Variants in KHDRBS3 observed in about 807,000 individuals in gnomAD.
KHDRBS3 encodes the protein KH RNA binding domain containing, signal transduction associated 3, also known as KH domain-containing, RNA-binding, signal transduction-associated protein 3.
In KHDRBS3, 23 loss-of-function variants were observed where a neutral mutation model predicts 45.6. The ratio of observed to expected loss-of-function variants is 0.50; its 90% confidence interval spans 0.36 to 0.72. The LOEUF is 0.72. Ranked by LOEUF, KHDRBS3 falls within the 30% of genes least tolerant of loss-of-function variation. The probability of loss-of-function intolerance (pLI) is 0.00; values close to 1 mark genes in which losing one functional copy is unlikely to be tolerated. For missense variants in KHDRBS3, 352 were observed against 424.8 expected (o/e 0.83, Z 1.51); for synonymous variants, 162 against 156.5 (o/e 1.04, Z -0.26).
intron 7 of KHDRBS3, among the ~76,000 whole-genome samples, chr8:135,630,014 G>A (rs959830447): frequency 6.6e-6 from 1 of 152,228 alleles, no homozygotes; most frequent in Non-Finnish European, 1.5e-5. Flanking sequence ...TTTATGGTGG[G>A]AGTGAAGAGA....
At chr8:135,635,460 C>T (rs909503140) in intron 7 of KHDRBS3, among the ~76,000 whole-genome samples, 79 of 152,128 alleles carry the variant, frequency 5.2e-4, no homozygotes, top group African/African-American at 1.8e-3. Context: ...CTTGGCTCAC[C>T]GCAAACTCTG....
chr8:135,550,872 A>G (rs1826555219), intron 4 of KHDRBS3, among the ~76,000 whole-genome samples: 1 of 152,162 alleles, frequency 6.6e-6, no homozygotes, highest in Admixed American at 6.5e-5. Flanking sequence ...ATGTTTCTTC[A>G]CTTTTAAAAA....
intron 7 of KHDRBS3, among the ~76,000 whole-genome samples, chr8:135,632,391 G>A (rs1449771244): frequency 1.3e-5 from 2 of 151,640 alleles, no homozygotes; most frequent in Non-Finnish European, 2.9e-5. Context: ...GAGTCAAGGG[G>A]GCTCACTCCT....
In KHDRBS3 at chr8:135,646,239, TTGATGTCCAAGACTTA is replaced by T. The variant is rs1284008091; in HGVS notation, c.950-752_950-737del. 1.2e-4 allele frequency among the ~76,000 whole-genome samples: 18 copies of T among 152,232 alleles called. No individual in the cohort carries two copies. The East Asian group carries it at 3.5e-3, about 29-fold the overall frequency. On this transcript the variant is annotated intron_variant, in intron 8 of 8. Coordinates refer to ENST00000355849, the MANE Select transcript of KHDRBS3 (RefSeq NM_006558.3). Reference sequence around the variant, plus strand: ...ATGTTGCAGCAGGGATGTTAACTGTTTGATGTCCAAGACTTATAGATAACTCATTAAAAGTTATCTT... The same window carrying T: ...ATGTTGCAGCAGGGATGTTAACTGTTTAGATAACTCATTAAAAGTTATCTT...
rs1280501936 is a variant in KHDRBS3, at chr8:135,485,065, C to A, written c.88+27111C>A. On this transcript the variant is annotated intron_variant, in intron 1 of 8. Transcript: ENST00000355849. ...TGATAAATGCTGTGTACAGAAAAAACCCTCTCTCTCCATCTCAATTATCCT... is the reference window on the plus strand; with the variant it reads ...TGATAAATGCTGTGTACAGAAAAAAACCTCTCTCTCCATCTCAATTATCCT... Among the ~76,000 whole-genome samples the A allele has an allele frequency of 4.6e-5, 7 of 152,130 alleles. No homozygotes were observed. The South Asian group carries it at 1.5e-3, about 32-fold the overall frequency.
intron 5 of KHDRBS3, among the ~76,000 whole-genome samples, chr8:135,560,160 A>G (rs1210487249): frequency 1.3e-5 from 2 of 152,142 alleles, no homozygotes; most frequent in African/African-American, 4.8e-5. Flanking sequence ...GTATCTCTGT[A>G]TATATATACA....
chr8:135,488,419 T>G (rs1000138542), intron 1 of KHDRBS3, among the ~76,000 whole-genome samples: 3 of 152,180 alleles, frequency 2.0e-5, no homozygotes, highest in African/African-American at 7.2e-5. Flanking sequence ...TTATTGTGAA[T>G]AGATACTGCA....
chr8:135,476,347 T>G (rs1251212994), intron 1 of KHDRBS3, among the ~76,000 whole-genome samples: 1 of 152,130 alleles, frequency 6.6e-6, no homozygotes, highest in Non-Finnish European at 1.5e-5. Flanking sequence ...TTTCACCATA[T>G]TGGTCAAGCT....
At chr8:135,650,828 C>A, downstream of KHDRBS3, among the ~76,000 whole-genome samples, 1 of 152,198 alleles carries the variant, frequency 6.6e-6, no homozygotes, top group East Asian at 1.9e-4. Flanking sequence ...CAGATTCCTT[C>A]ATGGAGAGAG....
At chr8:135,639,755 G>A (rs1830981003) in intron 7 of KHDRBS3, among the ~76,000 whole-genome samples, 1 of 152,210 alleles carries the variant, frequency 6.6e-6, no homozygotes. Flanking sequence ...AGAAAGAACA[G>A]GGTGGTGCCA....
intron 6 of KHDRBS3, among the ~76,000 whole-genome samples, chr8:135,592,189 A>C (rs2130966551): frequency 6.6e-6 from 1 of 152,302 alleles, no homozygotes; most frequent in South Asian, 2.1e-4. Context: ...TTAGGAATGT[A>C]AGACTTTAGG....
intron 5 of KHDRBS3, among the ~76,000 whole-genome samples, chr8:135,574,106 G>A (rs1827836265): frequency 1.3e-5 from 2 of 151,950 alleles, no homozygotes; most frequent in Non-Finnish European, 2.9e-5. Context: ...GTTATTTGTA[G>A]CACTCAGTGA....
At chr8:135,463,841 A>G (rs1821556764) in intron 1 of KHDRBS3, among the ~76,000 whole-genome samples, 2 of 152,300 alleles carry the variant, frequency 1.3e-5, no homozygotes. Context: ...AGAATGACTT[A>G]TATCTTCTAC....
At chr8:135,541,309 G>A (rs1826038938) in intron 2 of KHDRBS3, 1 of 152,166 alleles carries the variant, frequency 6.6e-6, no homozygotes, top group Non-Finnish European at 1.5e-5. Context: ...TCAGTACCCA[G>A]TCCCATTCTT....
At chr8:135,507,625 C>T (rs1324708785) in intron 1 of KHDRBS3, among the ~76,000 whole-genome samples, 1 of 152,106 alleles carries the variant, frequency 6.6e-6, no homozygotes, top group African/African-American at 2.4e-5. Context: ...GACAACCTCC[C>T]TTAAAGGAAA....
chr8:135,568,213 A>T (rs936225411), intron 5 of KHDRBS3, among the ~76,000 whole-genome samples: 3 of 152,226 alleles, frequency 2.0e-5, no homozygotes, highest in Non-Finnish European at 4.4e-5. Flanking sequence ...TTTTCTTTAA[A>T]ATTTTCAAAG....
At chr8:135,549,753 G>A (rs567586630) in intron 4 of KHDRBS3, 1 of 152,276 alleles carries the variant, frequency 6.6e-6, no homozygotes, top group Admixed American at 6.5e-5. Context: ...GGTTAGTTTG[G>A]TGGATTGACT....
At chr8:135,570,728 T>C (rs376113975) in intron 5 of KHDRBS3, among the ~76,000 whole-genome samples, 21 of 152,186 alleles carry the variant, frequency 1.4e-4, no homozygotes, top group African/African-American at 4.6e-4. Context: ...TAATCCCAAC[T>C]AGGCTTGTTA....
At chr8:135,614,521 G>A (rs922086864) in intron 7 of KHDRBS3, among the ~76,000 whole-genome samples, 1 of 151,660 alleles carries the variant, frequency 6.6e-6, no homozygotes, top group African/African-American at 2.4e-5. Flanking sequence ...GGCTCCTAGA[G>A]TGATCATAAA....
Sources: allele counts gnomAD v4.1 joint callset (sites outside exome capture counted in the v4.1 genomes callset), GRCh38; gene constraint gnomAD v4.1.1; transcripts MANE v1.5; gene names NCBI Gene and HGNC (gene_info 2026-07-23, HGNC 2026-07-21).